Variants in P2RY14 observed in about 807,000 individuals in gnomAD.
The protein encoded by P2RY14 is purinergic receptor P2Y14.
P2RY14 carries 2 observed loss-of-function variants against 0.9 expected under a neutral mutation model. That is an observed-to-expected ratio of 2.16 (90% CI 0.88 to 6.79). The LOEUF (loss-of-function observed/expected upper bound fraction) is 6.79. P2RY14 is among the 30% of genes most tolerant of loss of function. The probability of loss-of-function intolerance (pLI) is 0.05; values close to 1 mark genes in which losing one functional copy is unlikely to be tolerated. For missense variants in P2RY14, 378 were observed against 400.1 expected (o/e 0.94, Z 0.47); for synonymous variants, 158 against 147.2 (o/e 1.07, Z -0.53).
Position 151,212,547 on chromosome 3 carries a change from A to T in P2RY14, c.*753T>A, listed in dbSNP as rs1345300915. ...GGGGAAGTTGCTGATAACGTATGCC[A>T]ATATTTAGTTTCTCTCAGTAAAGCC... is the stretch of plus-strand genomic sequence containing the variant. On this transcript the variant is annotated 3_prime_UTR_variant, in exon 3 of 3. Coordinates refer to ENST00000309170, the MANE Select transcript of P2RY14 (RefSeq NM_014879.4). The T allele has an allele frequency of 2.0e-5, 3 of 152,100 alleles. No homozygotes were observed. The South Asian group carries it at 6.2e-4, about 31-fold the overall frequency. 9.4% of individuals were successfully genotyped at this position (152,100 alleles called of 1,614,324 possible).
At chr3:151,276,548 A>T (rs1004476929) in intron 1 of P2RY14, among the ~76,000 whole-genome samples, 1 of 152,178 alleles carries the variant, frequency 6.6e-6, no homozygotes, top group Non-Finnish European at 1.5e-5. Flanking sequence ...CTCACTTGTG[A>T]CCGACCTAAC....
chr3:151,213,323 G>T lies in P2RY14; in HGVS notation c.994C>A (p.Leu332Ile). ...ISRIKRGNTT[L>I]ESTDTL is the part of the protein sequence containing the mutation. ...ACTCACAAAGTATCTGTGCTTTCAA[G>T]TGTTGTATTTCCTCTTTTGATTCTG... Residue 332 changes from leucine (L) to isoleucine (I), a missense_variant, in exon 3 of 3, where the codon CTT becomes ATT. Transcript: ENST00000309170. The T allele has an allele frequency of 6.2e-7, 1 of 1,611,020 alleles. No individual in the cohort carries two copies. The highest frequency in any genetic ancestry group is 8.5e-7 in the Non-Finnish European group (1 of 1,178,944).
intron 2 of P2RY14, among the ~76,000 whole-genome samples, chr3:151,216,538 T>A (rs1728266706): frequency 6.6e-6 from 1 of 152,250 alleles, no homozygotes; most frequent in South Asian, 2.1e-4. Flanking sequence ...CCATATGCTT[T>A]CCTTTTGCTT....
intron 1 of P2RY14, among the ~76,000 whole-genome samples, chr3:151,266,508 T>G (rs1485769019): frequency 6.6e-6 from 1 of 152,252 alleles, no homozygotes; most frequent in African/African-American, 2.4e-5. Flanking sequence ...TGTATAATAG[T>G]GCAGTCCTTT....
Position 151,213,953 on chromosome 3 carries a change from TATA to T in P2RY14, c.361_363del (p.Tyr121del), listed in dbSNP as rs1727663042. The T allele has an allele frequency of 6.2e-7, 1 of 1,614,128 alleles. No individual in the cohort carries two copies. The highest frequency in any genetic ancestry group is 2.2e-5 in the East Asian group (1 of 44,866). On this transcript the variant is annotated inframe_deletion, in exon 3 of 3. Coordinates refer to ENST00000309170, the MANE Select transcript of P2RY14 (RefSeq NM_014879.4). ...GAAGTCCAAAGAGGCTTTACAATTT[TATA>T]ATATCTGTCAAAGCTGATGAGCCCA...
At chr3:151,259,221 G>A (rs957909947) in intron 1 of P2RY14, among the ~76,000 whole-genome samples, 9 of 152,302 alleles carry the variant, frequency 5.9e-5, no homozygotes, top group African/African-American at 2.2e-4. Context: ...AACTCTCTGA[G>A]AACAATGGTT....
At chr3:151,233,220 C>G (rs1267943434) in intron 1 of P2RY14, among the ~76,000 whole-genome samples, 1 of 152,190 alleles carries the variant, frequency 6.6e-6, no homozygotes, top group Non-Finnish European at 1.5e-5. Context: ...GTAGCACTCT[C>G]GTGCCCTCTG....
At chr3:151,277,896 TACTG>T (rs1215345063) in intron 1 of P2RY14, among the ~76,000 whole-genome samples, 2 of 152,232 alleles carry the variant, frequency 1.3e-5, no homozygotes, top group Admixed American at 6.5e-5. Flanking sequence ...AACAAAGACA[TACTG>T]ACCTAAGTAT....
Position 151,243,824 on chromosome 3 carries a change from A to C in P2RY14, c.-132-24182T>G, listed in dbSNP as rs892844878. Reference sequence around the variant, plus strand: ...CCAATTAAACGACACAGACTGGCAAATTGGATAAAGAGTCAAGACCCATCA... The same window carrying C: ...CCAATTAAACGACACAGACTGGCAACTTGGATAAAGAGTCAAGACCCATCA... On this transcript the variant is annotated intron_variant, in intron 1 of 2. Transcript: ENST00000309170. Among the ~76,000 whole-genome samples, 3 of 151,328 alleles carry C rather than the reference A, an allele frequency of 2.0e-5. No homozygotes were observed. In the South Asian group the frequency reaches 6.3e-4, roughly 32 times the overall value.
chr3:151,259,642 G>C (rs1348861871), intron 1 of P2RY14, among the ~76,000 whole-genome samples: 2 of 152,158 alleles, frequency 1.3e-5, no homozygotes, highest in Non-Finnish European at 2.9e-5. Flanking sequence ...CCTCAAGATA[G>C]GTAGGTTTTA....
At chr3:151,253,311 T>C (rs944762938) in intron 1 of P2RY14, among the ~76,000 whole-genome samples, 4 of 152,276 alleles carry the variant, frequency 2.6e-5, no homozygotes, top group South Asian at 2.1e-4. Flanking sequence ...CCGGAAACCA[T>C]TGACTGTCCC....
At chr3:151,243,850 G>T (rs1364549857) in intron 1 of P2RY14, among the ~76,000 whole-genome samples, 2 of 150,756 alleles carry the variant, frequency 1.3e-5, no homozygotes, top group East Asian at 3.9e-4. Flanking sequence ...AGACCCATCA[G>T]TGTGCTGTAT....
intron 1 of P2RY14, among the ~76,000 whole-genome samples, chr3:151,262,710 C>T (rs1044040214): frequency 6.6e-6 from 1 of 152,100 alleles, no homozygotes; most frequent in Non-Finnish European, 1.5e-5. Flanking sequence ...TATTTTGTTG[C>T]AAATGGTAAA....
intron 1 of P2RY14, among the ~76,000 whole-genome samples, chr3:151,237,578 T>G (rs1733172252): frequency 6.6e-6 from 1 of 151,162 alleles, no homozygotes. Context: ...CTCGAACTCC[T>G]GACCTCAGGT....
intron 1 of P2RY14, among the ~76,000 whole-genome samples, chr3:151,233,052 A>G (rs1172585818): frequency 2.0e-5 from 3 of 152,242 alleles, no homozygotes; most frequent in African/African-American, 7.2e-5. Context: ...AAAAAACACC[A>G]ACATTGTCCC....
intron 1 of P2RY14, among the ~76,000 whole-genome samples, chr3:151,249,933 A>G (rs1238657228): frequency 6.6e-6 from 1 of 152,074 alleles, no homozygotes; most frequent in Non-Finnish European, 1.5e-5. Flanking sequence ...TTCCCATTTT[A>G]CCAGTTTCTT....
intron 1 of P2RY14, among the ~76,000 whole-genome samples, chr3:151,250,525 T>C (rs1736643351): frequency 6.6e-6 from 1 of 152,218 alleles, no homozygotes; most frequent in South Asian, 2.1e-4. Flanking sequence ...AATCATACAG[T>C]ATTTGTCCTT....
chr3:151,273,738 A>G lies in P2RY14; in HGVS notation c.-133+4549T>C, dbSNP rs1043770013. On this transcript the variant is annotated intron_variant, in intron 1 of 2. Coordinates refer to ENST00000309170, the MANE Select transcript of P2RY14 (RefSeq NM_014879.4). ...TGCCCACTTTTCATTATTATGCTAT[A>G]CTACTTGGCATTGTACACATAGGGA... Among the ~76,000 whole-genome samples the G allele has an allele frequency of 2.6e-5, 4 of 152,164 alleles. No homozygotes were observed. The East Asian group carries it at 7.7e-4, about 29-fold the overall frequency.
chr3:151,269,730 T>G (rs756547813), intron 1 of P2RY14: 2 of 420,640 alleles, frequency 4.8e-6, no homozygotes, highest in African/African-American at 2.1e-5. Flanking sequence ...AAAATAAAGT[T>G]CTCTCCAAGG....
Sources: allele counts gnomAD v4.1 joint callset (sites outside exome capture counted in the v4.1 genomes callset), GRCh38; gene constraint gnomAD v4.1.1; transcripts MANE v1.5; gene names NCBI Gene and HGNC (gene_info 2026-07-23, HGNC 2026-07-21).